The following WASF3 variants were observed in gnomAD, a reference collection of about 807,000 sequenced individuals.
WASF3 encodes the protein actin-binding protein WASF3.
Under a neutral mutation model 46.6 loss-of-function variants are expected in WASF3, and 11 were observed. The ratio of observed to expected loss-of-function variants is 0.24; its 90% CI spans 0.15 to 0.39. WASF3 has a LOEUF of 0.39. WASF3 is among the 10% of genes least tolerant of loss of function. The pLI, the probability that WASF3 is intolerant of heterozygous loss-of-function variation, is 1.00. For synonymous variants in WASF3, 242 were observed against 259.7 expected, an observed-to-expected ratio of 0.93 and a Z score of 0.65; for missense variants, 576 against 669.8, an observed-to-expected ratio of 0.86 and a Z score of 1.55.
chr13:26,650,127 T>C (rs550701304), intron 3 of WASF3, among the ~76,000 whole-genome samples: 8 of 152,292 alleles, frequency 5.3e-5, no homozygotes, highest in African/African-American at 1.9e-4. Context: ...AAAGAAATTA[T>C]TTCAACAGAG....
intron 1 of WASF3, among the ~76,000 whole-genome samples, chr13:26,563,066 A>G (rs528616325): frequency 3.5e-4 from 53 of 150,712 alleles, no homozygotes; most frequent in African/African-American, 1.2e-3. Flanking sequence ...GACTTTTCCT[A>G]GGTGCCATTG....
chr13:26,608,664 T>A (rs566570616), intron 1 of WASF3, among the ~76,000 whole-genome samples: 1 of 152,286 alleles, frequency 6.6e-6, no homozygotes, highest in African/African-American at 2.4e-5. Context: ...TGGCTCTGAC[T>A]TTAAAAGGTG....
intron 3 of WASF3, among the ~76,000 whole-genome samples, chr13:26,643,390 G>A (rs900355203): frequency 1.3e-5 from 2 of 152,068 alleles, no homozygotes; most frequent in East Asian, 1.9e-4. Flanking sequence ...AACGCTGCAG[G>A]TAAGTATTGG....
At chr13:26,543,915 A>AAT in the WASF3 span, among the ~76,000 whole-genome samples, 1 of 152,224 alleles carries the variant, frequency 6.6e-6, no homozygotes, top group East Asian at 1.9e-4. Context: ...ACCGATTTCT[A>AAT]AGATCCAAGC....
intron 2 of WASF3, chr13:26,639,914 G>A (rs76127857): frequency 0.036 from 5,542 of 152,372 alleles, 165 homozygotes; most frequent in Non-Finnish European, 0.05. Context: ...CAGGATTGGC[G>A]GGTTTGAATA....
At chr13:26,649,824 T>G (rs887196281) in intron 3 of WASF3, among the ~76,000 whole-genome samples, 1 of 152,154 alleles carries the variant, frequency 6.6e-6, no homozygotes, top group African/African-American at 2.4e-5. Context: ...CTCACACCTG[T>G]AATCCCGGCA....
At chr13:26,650,390 T>C (rs534942377) in intron 3 of WASF3, among the ~76,000 whole-genome samples, 1 of 152,294 alleles carries the variant, frequency 6.6e-6, no homozygotes, top group African/African-American at 2.4e-5. Flanking sequence ...TTGTTTGTCA[T>C]GTCTGGTTTT....
chr13:26,551,100 A>C, the WASF3 span, among the ~76,000 whole-genome samples: 1 of 152,040 alleles, frequency 6.6e-6, no homozygotes, highest in African/African-American at 2.4e-5. Flanking sequence ...GATGGTTTAA[A>C]AGTGTGTGGC....
chr13:26,625,148 TGTGGG>T (rs1566054914), intron 2 of WASF3, among the ~76,000 whole-genome samples: 2 of 152,242 alleles, frequency 1.3e-5, no homozygotes, highest in East Asian at 3.9e-4. Context: ...ACAATAGTAA[TGTGGG>T]GTTTATAAGA....
At chr13:26,633,736 T>G (rs1377492432) in intron 2 of WASF3, among the ~76,000 whole-genome samples, 1 of 152,220 alleles carries the variant, frequency 6.6e-6, no homozygotes. Context: ...TCTGCCTTCA[T>G]TTCGTTATGT....
At chr13:26,658,114 C>T (rs891609341) in intron 3 of WASF3, among the ~76,000 whole-genome samples, 2 of 96,610 alleles carry the variant, frequency 2.1e-5, no homozygotes, top group Admixed American at 1.2e-4. Context: ...ATTGCTGTCA[C>T]TTTTGCAAGA....
the WASF3 span, among the ~76,000 whole-genome samples, chr13:26,546,735 A>G: frequency 6.6e-6 from 1 of 152,232 alleles, no homozygotes; most frequent in Non-Finnish European, 1.5e-5. Context: ...ATAAAAAGTA[A>G]AAACAAACAA....
intron 1 of WASF3, among the ~76,000 whole-genome samples, chr13:26,597,846 T>G (rs1434284949): frequency 2.0e-5 from 3 of 152,230 alleles, no homozygotes; most frequent in Non-Finnish European, 4.4e-5. Context: ...GTGCCACATT[T>G]TCTTAATCCA....
At chr13:26,546,001 A>C in the WASF3 span, among the ~76,000 whole-genome samples, 1 of 152,308 alleles carries the variant, frequency 6.6e-6, no homozygotes, top group African/African-American at 2.4e-5. Flanking sequence ...AAACACTATT[A>C]ATTGTATTAG....
At chr13:26,668,274 C>T (rs1302152651) in intron 5 of WASF3, among the ~76,000 whole-genome samples, 1 of 152,174 alleles carries the variant, frequency 6.6e-6, no homozygotes, top group Non-Finnish European at 1.5e-5. Flanking sequence ...TTTCTAAACA[C>T]CCCTCCTGCC....
intron 1 of WASF3, chr13:26,577,732 A>G: frequency 1.4e-6 from 1 of 727,430 alleles, no homozygotes; most frequent in Non-Finnish European, 2.4e-6. Context: ...GAAAAAAAAA[A>G]ATCAAAACCA....
At chr13:26,647,655 A>C (rs1426533711) in intron 3 of WASF3, among the ~76,000 whole-genome samples, 1 of 151,928 alleles carries the variant, frequency 6.6e-6, no homozygotes, top group African/African-American at 2.4e-5. Context: ...TGGTTTTGCT[A>C]CTTTTTTTTT....
chr13:26,597,900 A>G (rs1287758456), intron 1 of WASF3, among the ~76,000 whole-genome samples: 1 of 152,100 alleles, frequency 6.6e-6, no homozygotes, highest in Non-Finnish European at 1.5e-5. Flanking sequence ...AGTCTTTGCT[A>G]TTGTGAATAG....
chr13:26,578,078 A>G, intron 1 of WASF3, among the ~76,000 whole-genome samples: 1 of 152,156 alleles, frequency 6.6e-6, no homozygotes, highest in Non-Finnish European at 1.5e-5. Context: ...AGACAATTTT[A>G]CCTCTTTTCC....
Sources: allele counts gnomAD v4.1 joint callset (sites outside exome capture counted in the v4.1 genomes callset), GRCh38; gene constraint gnomAD v4.1.1; transcripts MANE v1.5; gene names NCBI Gene and HGNC (gene_info 2026-07-23, HGNC 2026-07-21).